USP47: variants seen among roughly 807,000 people sequenced by gnomAD.
USP47 encodes the protein ubiquitin specific peptidase 47, also known as ubiquitin carboxyl-terminal hydrolase 47.
A neutral mutation model predicts 165.1 loss-of-function variants in USP47; 35 were observed. The observed-to-expected ratio is 0.21, with a 90% CI of 0.16 to 0.28. The LOEUF is 0.28. USP47 is among the 10% of genes least tolerant of loss of function. The pLI is 1.00. For synonymous variants in USP47, 531 were observed against 544.5 expected, an observed-to-expected ratio of 0.98 and a Z score of 0.35; for missense variants, 1,277 against 1,607.4, an observed-to-expected ratio of 0.79 and a Z score of 3.52.
chr11:11,926,839 C>A (rs867515944), intron 11 of USP47, among the ~76,000 whole-genome samples: 2 of 150,824 alleles, frequency 1.3e-5, no homozygotes, highest in African/African-American at 4.8e-5. Context: ...TAGGCACTTA[C>A]ATCTATAAAC....
intron 5 of USP47, among the ~76,000 whole-genome samples, chr11:11,901,792 C>T (rs1177602029): frequency 6.6e-6 from 1 of 151,880 alleles, no homozygotes; most frequent in African/African-American, 2.4e-5. Context: ...AACCCAGTCT[C>T]TACTAAAAAT....
At chr11:11,954,549 G>C (rs1230784125) in intron 25 of USP47, among the ~76,000 whole-genome samples, 1 of 152,194 alleles carries the variant, frequency 6.6e-6, no homozygotes, top group East Asian at 1.9e-4. Context: ...GTGTCCATCA[G>C]TAGGAGATAA....
intron 1 of USP47, among the ~76,000 whole-genome samples, chr11:11,861,973 A>T (rs1438402867): frequency 1.3e-5 from 2 of 152,094 alleles, no homozygotes; most frequent in Admixed American, 6.5e-5. Context: ...AATAAAGCAA[A>T]TCTACTTATA....
chr11:11,862,791 A>T (rs1176501139), intron 1 of USP47, among the ~76,000 whole-genome samples: 1 of 152,126 alleles, frequency 6.6e-6, no homozygotes, highest in Non-Finnish European at 1.5e-5. Context: ...TCCTGGGCTC[A>T]AGTGATCCTC....
intron 20 of USP47, 34 bp downstream of exon 20, chr11:11,943,146 C>G: frequency 6.4e-7 from 1 of 1,559,984 alleles, no homozygotes; most frequent in East Asian, 2.3e-5. Flanking sequence ...GTCCTTGAAA[C>G]AGCATCAGTT....
At position 11,875,723 on chromosome 11, in the gene USP47, C is replaced by A. The variant is rs1173954407; in HGVS notation, c.40-4454C>A. Among the ~76,000 whole-genome samples the A allele has an allele frequency of 2.0e-5, 3 of 152,162 alleles. No homozygotes were observed. The East Asian group carries it at 5.8e-4, about 29-fold the overall frequency. ...GGTTCAAGCGATTCTCCTGCTTCTG[C>A]CTTCCAAGTAGCTGAGGTTACGGGC... On this transcript the variant is annotated intron_variant, in intron 1 of 27. Transcript: ENST00000527733.
chr11:11,955,975 A>C, intron 27 of USP47, 26 bp from the exon 28 acceptor site: 1 of 1,520,740 alleles, frequency 6.6e-7, no homozygotes, highest in Non-Finnish European at 8.8e-7. Flanking sequence ...TACTGGACTA[A>C]TATGTGATTA....
intron 1 of USP47, among the ~76,000 whole-genome samples, chr11:11,868,649 T>C (rs1305243857): frequency 1.3e-5 from 2 of 152,076 alleles, no homozygotes; most frequent in South Asian, 2.1e-4. Flanking sequence ...GTGATAAATG[T>C]TGAAAAGTGC....
chr11:11,919,093 A>C (rs72857619), intron 8 of USP47, among the ~76,000 whole-genome samples: 19,567 of 151,832 alleles, frequency 0.13, 1,607 homozygotes, highest in Middle Eastern at 0.39. Context: ...AGGGGATCAG[A>C]TGGGTTTAGA....
chr11:11,906,235 T>G (rs1486116200), intron 8 of USP47, among the ~76,000 whole-genome samples: 1 of 152,138 alleles, frequency 6.6e-6, no homozygotes, highest in Non-Finnish European at 1.5e-5. Context: ...TGGAAAGACT[T>G]AAGTTGATAT....
In USP47 at chr11:11,928,951, C is replaced by T. The variant is rs1270611236; in HGVS notation, c.1387-483C>T. Among the ~76,000 whole-genome samples the T allele has an allele frequency of 2.0e-5, 3 of 151,846 alleles. No homozygotes were observed. In the East Asian group the frequency reaches 5.8e-4, roughly 29 times the overall value. ...AGGATTCATTCTTAATATGAGAGAA[C>T]AAATCAGTAGATCATGATATCACAG... is the stretch of plus-strand genomic sequence containing the variant. On this transcript the variant is annotated intron_variant, in intron 11 of 27. Transcript: ENST00000527733.
At chr11:11,899,122 G>C (rs997454252) in intron 5 of USP47, among the ~76,000 whole-genome samples, 11 of 152,080 alleles carry the variant, frequency 7.2e-5, no homozygotes, top group African/African-American at 2.2e-4. Context: ...GTTGCGGGGG[G>C]CTTCAGGAGA....
intron 3 of USP47, among the ~76,000 whole-genome samples, chr11:11,890,316 A>G (rs2134368358): frequency 6.6e-6 from 1 of 152,328 alleles, no homozygotes; most frequent in Middle Eastern, 3.4e-3. Flanking sequence ...ACAAAGGTCT[A>G]ATATCCAGAA....
chr11:11,920,571 T>C lies in USP47; in HGVS notation c.1218+77T>C. ...ATGGTTTTGAAAGAGCTGTTTGAGG[T>C]AATAACACTGATGTCATTTGGACTG... On this transcript the variant is annotated intron_variant, in intron 10 of 27. Coordinates refer to ENST00000527733, the MANE Select transcript of USP47 (RefSeq NM_001282659.2). 5 of 1,349,914 alleles carry C rather than the reference T, an allele frequency of 3.7e-6. No individual in the cohort carries two copies. In the South Asian group the frequency reaches 6.3e-5, roughly 17 times the overall value. 83.6% of individuals were successfully genotyped at this position (1,349,914 alleles called of 1,614,324 possible).
Position 11,936,440 on chromosome 11 carries a change from A to G in USP47, c.2007A>G (p.Ser669=). ...PMGLLLGGVK[S]TYMFDLLLET... Reference sequence around the variant, plus strand: ...GGCTTCTACTAGGTGGCGTCAAGTCAACATATATGTTTGATCTGCTGTTGG... The same window carrying G: ...GGCTTCTACTAGGTGGCGTCAAGTCGACATATATGTTTGATCTGCTGTTGG... The change falls in exon 17 of 28, where the codon TCA becomes TCG. Residue 669 remains serine, a synonymous_variant. Coordinates refer to ENST00000527733, the MANE Select transcript of USP47 (RefSeq NM_001282659.2). The G allele has an allele frequency of 6.2e-7, 1 of 1,609,822 alleles. No homozygotes were observed. The highest frequency in any genetic ancestry group is 8.5e-7 in the Non-Finnish European group (1 of 1,177,094).
rs1000087237 is a variant in USP47 at position 11,854,763 on chromosome 11, T to C, written c.39+12539T>C. On this transcript the variant is annotated intron_variant, in intron 1 of 27. Coordinates refer to ENST00000527733, the MANE Select transcript of USP47 (RefSeq NM_001282659.2). The stretch of plus-strand genomic sequence containing the variant: ...TTGTTAGATTTGACAGGTTCTCTTA[T>C]ATGATCAAGTAAGACCTATTGTTAC... 1.7e-4 allele frequency among the ~76,000 whole-genome samples: 25 copies of C among 147,474 alleles called. 4 individuals carry two copies. Among genetic ancestry groups the C allele is most frequent in the Non-Finnish European group, 3.5e-4 (23 of 65,762 alleles).
At chr11:11,926,187 G>A (rs890899386) in intron 11 of USP47, among the ~76,000 whole-genome samples, 1 of 152,104 alleles carries the variant, frequency 6.6e-6, no homozygotes, top group Non-Finnish European at 1.5e-5. Context: ...TCAAAGTCAC[G>A]CTGACCATAT....
intron 1 of USP47, among the ~76,000 whole-genome samples, chr11:11,867,652 G>A (rs1390228069): frequency 2.0e-5 from 3 of 152,096 alleles, no homozygotes; most frequent in Non-Finnish European, 4.4e-5. Flanking sequence ...GTCATCTACT[G>A]TATTTTATTC....
At position 11,929,508 on chromosome 11, in the gene USP47, T is replaced by C; in HGVS notation, c.1461T>C (p.Cys487=). 6.2e-7 allele frequency: 1 copy of C among 1,613,416 alleles called. No individual in the cohort carries two copies. The highest frequency in any genetic ancestry group is 1.1e-5 in the South Asian group (1 of 91,044). Residue 487 remains cysteine, a synonymous_variant, in exon 12 of 28, where the codon TGT becomes TGC. Transcript: ENST00000527733. ...GSAAGGHYYA[C]IKSFSDEQWY... is the part of the protein sequence containing the mutation. ...CTGCTGGTGGTCATTATTATGCATG[T>C]ATAAAGTCATTCAGTGATGAGCAGT...
Sources: allele counts gnomAD v4.1 joint callset (sites outside exome capture counted in the v4.1 genomes callset), GRCh38; gene constraint gnomAD v4.1.1; transcripts MANE v1.5; gene names NCBI Gene and HGNC (gene_info 2026-07-23, HGNC 2026-07-21).